The following ZNF287 variants were observed in gnomAD, a reference collection of about 807,000 sequenced individuals.
ZNF287 encodes zinc finger protein 287.
Under a neutral mutation model 73.7 loss-of-function variants are expected in ZNF287, and 31 were observed. The observed-to-expected ratio is 0.42, with a 90% CI of 0.32 to 0.57. The LOEUF (loss-of-function observed/expected upper bound fraction) is 0.57, where lower values mean the gene tolerates loss of function less well. Among genes scored for constraint, ZNF287 ranks in the 20% least tolerant of loss-of-function variants. The pLI, the probability that ZNF287 is intolerant of heterozygous loss-of-function variation, is 0.13. For synonymous variants in ZNF287, 301 were observed against 307.2 expected, an observed-to-expected ratio of 0.98 and a Z score of 0.21; for missense variants, 641 against 909.3, an observed-to-expected ratio of 0.70 and a Z score of 3.79.
At chr17:16,568,004 G>A in intron 1 of ZNF287, 75 bp from the exon 2 acceptor site, 1 of 1,230,390 alleles carries the variant, frequency 8.1e-7, no homozygotes. Context: ...CACAGAAACA[G>A]ACTCGCAGTG....
In ZNF287 at chr17:16,553,062, T is replaced by A; in HGVS notation, c.1080A>T (p.Lys360Asn). The A allele has an allele frequency of 2.5e-6, 4 of 1,614,208 alleles. No individual in the cohort carries two copies. Among genetic ancestry groups the A allele is most frequent in the Non-Finnish European group, 3.4e-6 (4 of 1,180,020 alleles). The change falls in exon 6 of 6, where the codon AAA (lysine) becomes AAT (asparagine). Residue 360 changes from lysine (K) to asparagine (N), a missense_variant. By Grantham distance (94) the Lys-to-Asn change is moderately conservative. Around this residue, in one of 2 missense-constraint regions of ZNF287, gnomAD observed 357 missense variants for 442.4 expected, o/e 0.81. Transcript: ENST00000395825. ...NHVSYGIVHR[K>N]ILPGEKPYKC... ...TGTAAGGCTTCTCTCCAGGAAGTAT[T>A]TTCCTATGTACAATACCATATGAGA...
chr17:16,566,739 A>G (rs1907767420), intron 2 of ZNF287, 117 bp from the exon 3 acceptor site: 1 of 627,138 alleles, frequency 1.6e-6, no homozygotes, highest in Non-Finnish European at 2.7e-6. Context: ...GAAATCAAAA[A>G]CAGCACTCCT....
chr17:16,562,302 T>G (rs1907495748), intron 5 of ZNF287, among the ~76,000 whole-genome samples: 1 of 152,208 alleles, frequency 6.6e-6, no homozygotes, highest in African/African-American at 2.4e-5. Context: ...CAAGATATAC[T>G]TTTAAGTTAA....
In ZNF287 at chr17:16,567,810, G is replaced by A. The variant is rs114528638; in HGVS notation, c.-79C>T. ...GCCAACTGCTTGAAGTCTCATGCTAGAGTCACAAGGACACTATATCAAAGG... is the reference window on the plus strand; with the variant it reads ...GCCAACTGCTTGAAGTCTCATGCTAAAGTCACAAGGACACTATATCAAAGG... On this transcript the variant is annotated 5_prime_UTR_variant, in exon 2 of 6. Coordinates refer to ENST00000395825, the MANE Select transcript of ZNF287 (RefSeq NM_020653.4). 3,427 of 1,519,750 alleles carry A rather than the reference G, an allele frequency of 2.3e-3. 27 individuals are homozygous for A. Among genetic ancestry groups the A allele is most frequent in the African/African-American group, 0.018 (1,281 of 72,380 alleles). 94.1% of individuals were successfully genotyped at this position (1,519,750 alleles called of 1,614,324 possible). A position where few individuals can be genotyped will look rare whatever the true frequency, so the allele number is the denominator to read the frequency against.
chr17:16,547,270 T>TG lies in ZNF287; in HGVS notation c.*4585_*4586insC, dbSNP rs1906320593. Among the ~76,000 whole-genome samples the TG allele has an allele frequency of 6.6e-6, 1 of 152,228 alleles. No individual in the cohort carries two copies. The highest frequency in any genetic ancestry group is 2.4e-5 in the African/African-American group (1 of 41,468). On this transcript the variant is annotated 3_prime_UTR_variant, in exon 6 of 6. Transcript: ENST00000395825. Reference sequence around the variant, plus strand: ...GAGGGCTATTAGCTTATAAACACCGTAAGTTATAGACATATAATAGTTAAA... The same window carrying TG: ...GAGGGCTATTAGCTTATAAACACCGTGAAGTTATAGACATATAATAGTTAAA...
rs191827953 is a variant in ZNF287, at chr17:16,553,345, A to G, written c.797T>C (p.Leu266Ser). 4 of 1,612,908 alleles carry G rather than the reference A, an allele frequency of 2.5e-6. No homozygotes were observed. The African/African-American group carries it at 5.3e-5, about 22-fold the overall frequency. ...LTKEETHTIK[L>S]EDSYDYDDRL... ...ATCATCGTAGTCATATGAGTCTTCT[A>G]ATTTGATGGTATGGGTTTCTTCCTT... The change falls in exon 6 of 6, where the codon TTA becomes TCA. Residue 266 changes from leucine (L) to serine (S), a missense_variant. By Grantham distance (145) the Leu-to-Ser change is moderately radical. This residue lies in a region of ZNF287 where 357 missense variants were observed against 442.4 expected (regional missense o/e 0.81). Coordinates refer to ENST00000395825, the MANE Select transcript of ZNF287 (RefSeq NM_020653.4).
In ZNF287 at chr17:16,552,925, C is replaced by T; in HGVS notation, c.1217G>A (p.Arg406Lys). ...YECEECGKEF[R>K]HISSLIAHQR... ...ATGTGCAATAAGGGATGAGATATGC[C>T]TAAACTCTTTCCCACATTCTTCACA... The change falls in exon 6 of 6, where the codon AGG becomes AAG. Residue 406 changes from arginine to lysine, a missense_variant. By Grantham distance (26) the Arg-to-Lys change is conservative (BLOSUM62 2). This residue lies in a region of ZNF287 where 284 missense variants were observed against 466.8 expected (regional missense o/e 0.61). Transcript: ENST00000395825. The surrounding 1 kb of genome is among the most constrained non-coding windows in gnomAD (Gnocchi z 6.5). 6.2e-7 allele frequency: 1 copy of T among 1,614,142 alleles called. No homozygotes were observed. The highest frequency in any genetic ancestry group is 1.6e-4 in the Middle Eastern group (1 of 6,062).
chr17:16,548,515 T>C lies in ZNF287; in HGVS notation c.*3341A>G, dbSNP rs1906417508. Among the ~76,000 whole-genome samples the C allele has an allele frequency of 1.3e-5, 2 of 152,094 alleles. No homozygotes were observed. Among genetic ancestry groups the C allele is most frequent in the Non-Finnish European group, 2.9e-5 (2 of 68,020 alleles). The stretch of plus-strand genomic sequence containing the variant: ...ACCTGCTCTCTTAAAGAGGAAAAAC[T>C]GTCCGGGCGCGGTGGTTCACGCCTG... On this transcript the variant is annotated 3_prime_UTR_variant, in exon 6 of 6. Transcript: ENST00000395825.
At chr17:16,568,261 A>G (rs1204148078) in intron 1 of ZNF287, 46 of 152,800 alleles carry the variant, frequency 3.0e-4, no homozygotes, top group Admixed American at 3.0e-3. Context: ...CAGAAGCTGT[A>G]ATGACTGAAC....
chr17:16,554,184 T>C (rs976123523), intron 5 of ZNF287, among the ~76,000 whole-genome samples: 1 of 151,898 alleles, frequency 6.6e-6, no homozygotes, highest in African/African-American at 2.4e-5. Flanking sequence ...ATGTTCAGCT[T>C]AATTTAGTTA....
At chr17:16,559,049 T>C (rs1355532928) in intron 5 of ZNF287, 4 of 151,950 alleles carry the variant, frequency 2.6e-5, no homozygotes, top group Non-Finnish European at 5.9e-5. Context: ...TGCAAGAATA[T>C]ACATAGTATA....
rs1361124715 is a variant in ZNF287, at chr17:16,548,705, CAGG to C, written c.*3148_*3150del. 6.6e-6 allele frequency among the ~76,000 whole-genome samples: 1 copy of C among 152,096 alleles called. No homozygotes were observed. The highest frequency in any genetic ancestry group is 1.5e-5 in the Non-Finnish European group (1 of 68,024). On this transcript the variant is annotated 3_prime_UTR_variant, in exon 6 of 6. Transcript: ENST00000395825. ...GTCCCAGCTACTCGGGAGGCTGAGG[CAGG>C]AGAATGGCGTGAACCTGGGAGGCGG...
intron 5 of ZNF287, chr17:16,558,078 T>C (rs1008392058): frequency 6.6e-6 from 1 of 152,200 alleles, no homozygotes; most frequent in African/African-American, 2.4e-5. Flanking sequence ...TCCAGGCTTA[T>C]TTCCATTACA....
intron 5 of ZNF287, among the ~76,000 whole-genome samples, chr17:16,559,954 A>G (rs562574455): frequency 1.3e-5 from 2 of 151,906 alleles, no homozygotes; most frequent in African/African-American, 4.8e-5. Context: ...ATATATATAT[A>G]TATTTTTCTT....
intron 5 of ZNF287, 21 bp from the exon 6 acceptor site, chr17:16,553,447 A>G: frequency 6.9e-7 from 1 of 1,445,820 alleles, no homozygotes; most frequent in Non-Finnish European, 9.1e-7. Context: ...AAATATATTA[A>G]AAAATCTTCA....
At chr17:16,558,397 A>G (rs1389374647) in intron 5 of ZNF287, 2 of 151,994 alleles carry the variant, frequency 1.3e-5, no homozygotes, top group African/African-American at 4.8e-5. Context: ...CCCGGGATCA[A>G]GTTATCCTCT....
rs759214519 is a variant in ZNF287 at position 16,566,516 on chromosome 17, CA to C, written c.501+8del. 9.3e-5 allele frequency: 150 copies of C among 1,608,700 alleles called. 5 individuals are homozygous for C. The Admixed American group carries it at 2.5e-3, about 26-fold the overall frequency. ...GCATTTTAAAATCAGAAAAGACAGT[CA>C]CACTCACTTTGGTCACCAAGTCATT... On this transcript the variant is annotated splice_region_variant and intron_variant, in intron 3 of 5. Coordinates refer to ENST00000395825, the MANE Select transcript of ZNF287 (RefSeq NM_020653.4).
chr17:16,567,588 A>C lies in ZNF287; in HGVS notation c.144T>G (p.Cys48Trp), dbSNP rs551515632. The part of the protein sequence containing the change: ...TSRFLRDTET[C>W]RQNFRNFPYP... ...ATGGAAAATTCCTAAAATTCTGTCG[A>C]CAGGTCTCAGTGTCACGCAAGAATC... The change falls in exon 2 of 6, where the codon TGT (cysteine) becomes TGG (tryptophan). Residue 48 changes from cysteine to tryptophan, a missense_variant. Cys to Trp is a radical substitution (Grantham distance 215). Transcript: ENST00000395825. The C allele has an allele frequency of 6.2e-7, 1 of 1,614,214 alleles. No homozygotes were observed. Among genetic ancestry groups the C allele is most frequent in the African/African-American group, 1.3e-5 (1 of 75,050 alleles).
rs1425359839 is a variant in ZNF287 at position 16,548,734 on chromosome 17, A to G, written c.*3122T>C. Among the ~76,000 whole-genome samples, 1 of 152,086 alleles carries G rather than the reference A, an allele frequency of 6.6e-6. No individual in the cohort carries two copies. The highest frequency in any genetic ancestry group is 2.4e-5 in the African/African-American group (1 of 41,414). ...AGAATGGCGTGAACCTGGGAGGCGG[A>G]CCTTGCAGTGAGCCGAGATTGCACC... On this transcript the variant is annotated 3_prime_UTR_variant, in exon 6 of 6. Coordinates refer to ENST00000395825, the MANE Select transcript of ZNF287 (RefSeq NM_020653.4).
Sources: allele counts gnomAD v4.1 joint callset (sites outside exome capture counted in the v4.1 genomes callset), GRCh38; gene constraint gnomAD v4.1.1; regional missense constraint gnomAD v4.1.1; non-coding constraint Gnocchi (gnomAD v3.1); transcripts MANE v1.5; gene names NCBI Gene and HGNC (gene_info 2026-07-23, HGNC 2026-07-21).